The following EXT1 variants were observed in gnomAD, a reference collection of about 807,000 sequenced individuals.
EXT1 encodes the protein exostosin glycosyltransferase 1.
A neutral mutation model predicts 82.5 loss-of-function variants in EXT1; 20 were observed. The ratio of observed to expected loss-of-function variants is 0.24; its 90% CI spans 0.17 to 0.35. The LOEUF (loss-of-function observed/expected upper bound fraction) is 0.35. EXT1 is among the 10% of genes least tolerant of loss of function. The pLI is 1.00. For synonymous variants in EXT1, 348 were observed against 350.8 expected (o/e 0.99, Z 0.09); for missense variants, 757 against 936.5 (o/e 0.81, Z 2.50).
chr8:117,986,187 CTTTTTT>C (rs1160370973), intron 1 of EXT1, among the ~76,000 whole-genome samples: 1 of 63,456 alleles, frequency 1.6e-5, no homozygotes. Context: ...CTATTCTTTT[CTTTTTT>C]TTTTTTTTTT....
intron 1 of EXT1, among the ~76,000 whole-genome samples, chr8:117,861,488 C>CTTTTTTTTT (rs755653091): frequency 5.8e-5 from 5 of 86,844 alleles, no homozygotes; most frequent in Admixed American, 1.6e-4. Context: ...AAGTTTTTAT[C>CTTTTTTTTT]TTTTTTTTTT....
Position 117,795,305 on chromosome 8 carries a change from C to A in EXT1, c.*4407G>T, listed in dbSNP as rs1823073983. Reference sequence around the variant, plus strand: ...ACTACAATCCCTACTAGGTAAAACTCATGGAGACAAAAGCCTTTGATTTTT... The same window carrying A: ...ACTACAATCCCTACTAGGTAAAACTAATGGAGACAAAAGCCTTTGATTTTT... On this transcript the variant is annotated 3_prime_UTR_variant, in exon 11 of 11. Transcript: ENST00000378204. 6.6e-6 allele frequency: 1 copy of A among 152,110 alleles called. No individual in the cohort carries two copies. The highest frequency in any genetic ancestry group is 2.4e-5 in the African/African-American group (1 of 41,424). The allele number at this position is 152,110 out of a possible 1,614,324, so 9.4% of individuals were successfully genotyped here.
chr8:118,057,887 GC>G (rs1189678111), intron 1 of EXT1, among the ~76,000 whole-genome samples: 1 of 149,564 alleles, frequency 6.7e-6, no homozygotes, highest in African/African-American at 2.5e-5. Flanking sequence ...GAGGAGAATC[GC>G]TTGAACCCAG....
At chr8:117,858,610 G>A (rs1050669029) in intron 1 of EXT1, among the ~76,000 whole-genome samples, 1 of 151,582 alleles carries the variant, frequency 6.6e-6, no homozygotes, top group African/African-American at 2.4e-5. Context: ...CCTGGGAGGC[G>A]GAAGTTGCAG....
At chr8:118,041,623 T>C (rs148843804) in intron 1 of EXT1, among the ~76,000 whole-genome samples, 1,928 of 147,284 alleles carry the variant, frequency 0.013, 26 homozygotes, top group Middle Eastern at 0.031. Context: ...AGAGGAAATA[T>C]AGATGTATTT....
chr8:118,073,665 A>C (rs1448236763), intron 1 of EXT1, among the ~76,000 whole-genome samples: 1 of 149,022 alleles, frequency 6.7e-6, no homozygotes, highest in African/African-American at 2.5e-5. Flanking sequence ...AAGAGAAGAG[A>C]AGAGAAGAGA....
intron 1 of EXT1, among the ~76,000 whole-genome samples, chr8:117,940,283 A>G (rs1476535636): frequency 1.3e-5 from 2 of 152,220 alleles, no homozygotes; most frequent in Non-Finnish European, 2.9e-5. Flanking sequence ...GATGATGTAG[A>G]CTGACATCCA....
At chr8:118,098,279 G>A (rs1817655854) in intron 1 of EXT1, among the ~76,000 whole-genome samples, 1 of 152,086 alleles carries the variant, frequency 6.6e-6, no homozygotes, top group African/African-American at 2.4e-5. Context: ...TACCTGCCAG[G>A]ACAACCATAG....
At chr8:118,078,796 A>T (rs1479419075) in intron 1 of EXT1, among the ~76,000 whole-genome samples, 1 of 152,174 alleles carries the variant, frequency 6.6e-6, no homozygotes, top group African/African-American at 2.4e-5. Context: ...CAAGAGTGAG[A>T]CGTGCACATA....
At chr8:117,841,946 T>G (rs1812281649) in intron 1 of EXT1, among the ~76,000 whole-genome samples, 1 of 152,190 alleles carries the variant, frequency 6.6e-6, no homozygotes, top group Non-Finnish European at 1.5e-5. Context: ...TCTCAAAGTG[T>G]GTTCTTCCAA....
Position 117,837,122 on chromosome 8 carries a change from G to A in EXT1, c.1042C>T (p.Leu348=). The A allele has an allele frequency of 6.2e-7, 1 of 1,613,920 alleles. No individual in the cohort carries two copies. The highest frequency in any genetic ancestry group is 1.1e-5 in the South Asian group (1 of 91,072). The stretch of plus-strand genomic sequence containing the variant: ...GGGCCTCTTACCTGCAAAGCCTCCA[G>A]GAATCTGAAGGACCCAAGCCTGCGA... ...RGRRLGSFRF[L]EALQAACVPV... is the part of the protein sequence containing the mutation. The change falls in exon 2 of 11, where the codon CTG becomes TTG. Residue 348 remains leucine, a synonymous_variant. Coordinates refer to ENST00000378204, the MANE Select transcript of EXT1 (RefSeq NM_000127.3).
chr8:117,998,369 G>A (rs1439787258), intron 1 of EXT1, among the ~76,000 whole-genome samples: 3 of 152,076 alleles, frequency 2.0e-5, no homozygotes, highest in Non-Finnish European at 2.9e-5. Flanking sequence ...GAGTACAGTG[G>A]CACAATCATA....
intron 1 of EXT1, among the ~76,000 whole-genome samples, chr8:118,058,845 A>G (rs1321350273): frequency 1.3e-5 from 2 of 152,220 alleles, no homozygotes; most frequent in African/African-American, 4.8e-5. Flanking sequence ...TGATTGGCAG[A>G]CAGGCAGGCA....
In EXT1 at chr8:118,110,813, C is replaced by T. The variant is rs1391311629; in HGVS notation, c.234G>A (p.Val78=). 3 of 1,613,050 alleles carry T rather than the reference C, an allele frequency of 1.9e-6. No individual in the cohort carries two copies. Residue 78 remains valine, a synonymous_variant, in exon 1 of 11, where the codon GTG becomes GTA. Coordinates refer to ENST00000378204, the MANE Select transcript of EXT1 (RefSeq NM_000127.3). ...CTCGCTTCTGCCGGGGGGAAATGTG[C>T]ACGCTGGAATCCTCGTTTTCCAATT... ...WDQLENEDSS[V]HISPRQKRDA... is the part of the protein sequence containing the mutation.
At chr8:117,822,335 G>A in intron 5 of EXT1, 130 bp downstream of exon 5, 1 of 1,037,752 alleles carries the variant, frequency 9.6e-7, no homozygotes, top group Non-Finnish European at 1.5e-6. Context: ...TTATAACAAG[G>A]CTCTAGAAAA....
chr8:118,024,688 G>T (rs1177987790), intron 1 of EXT1, among the ~76,000 whole-genome samples: 3 of 152,210 alleles, frequency 2.0e-5, no homozygotes, highest in Admixed American at 2.0e-4. Flanking sequence ...CAGAGTGACA[G>T]CTAATATAAG....
At chr8:117,963,229 T>C (rs1391121183) in intron 1 of EXT1, among the ~76,000 whole-genome samples, 1 of 152,188 alleles carries the variant, frequency 6.6e-6, no homozygotes, top group Non-Finnish European at 1.5e-5. Flanking sequence ...AAGTACATGA[T>C]GTCTGCAGGC....
intron 1 of EXT1, among the ~76,000 whole-genome samples, chr8:118,001,549 C>T (rs1309902717): frequency 6.6e-6 from 1 of 151,880 alleles, no homozygotes; most frequent in Non-Finnish European, 1.5e-5. Context: ...GTAATGTACA[C>T]ACTCTGCTTT....
At chr8:117,992,646 T>A (rs531285828) in intron 1 of EXT1, among the ~76,000 whole-genome samples, 1 of 152,154 alleles carries the variant, frequency 6.6e-6, no homozygotes, top group South Asian at 2.1e-4. Context: ...GGGCCTCAGC[T>A]GACACTCTTC....
Sources: allele counts gnomAD v4.1 joint callset (sites outside exome capture counted in the v4.1 genomes callset), GRCh38; gene constraint gnomAD v4.1.1; transcripts MANE v1.5; gene names NCBI Gene and HGNC (gene_info 2026-07-23, HGNC 2026-07-21).